Variants in AMD1 observed in about 807,000 individuals in gnomAD.
AMD1 encodes the protein adenosylmethionine decarboxylase 1, also known as S-adenosylmethionine decarboxylase proenzyme.
AMD1 carries 11 observed loss-of-function variants against 40.2 expected under a neutral mutation model. That is an observed-to-expected ratio of 0.27 (90% CI 0.17 to 0.45). The LOEUF is 0.45. Ranked by LOEUF, AMD1 falls within the 20% of genes least tolerant of loss-of-function variation. The pLI, the probability that AMD1 is intolerant of heterozygous loss-of-function variation, is 1.00. For missense variants in AMD1, 257 were observed against 410.2 expected, an observed-to-expected ratio of 0.63 and a Z score of 3.23; for synonymous variants, 121 against 130.8, an observed-to-expected ratio of 0.93 and a Z score of 0.51.
the AMD1 span, among the ~76,000 whole-genome samples, chr6:110,819,834 A>G: frequency 1.3e-5 from 2 of 152,228 alleles, no homozygotes; most frequent in African/African-American, 4.8e-5. Context: ...GAAGCTAGAC[A>G]AAACCCACCA....
At chr6:110,859,711 C>T in the AMD1 span, among the ~76,000 whole-genome samples, 1 of 152,178 alleles carries the variant, frequency 6.6e-6, no homozygotes, top group African/African-American at 2.4e-5. Flanking sequence ...ACCTCAGACC[C>T]TCAGACCTGC....
At chr6:110,855,738 A>G in the AMD1 span, among the ~76,000 whole-genome samples, 1 of 152,186 alleles carries the variant, frequency 6.6e-6, no homozygotes, top group East Asian at 1.9e-4. Flanking sequence ...CTGTTCCATC[A>G]GGTATTCTTT....
chr6:110,847,695 G>GTTTTTGT, the AMD1 span, among the ~76,000 whole-genome samples: 35 of 149,272 alleles, frequency 2.3e-4, no homozygotes, highest in Non-Finnish European at 4.9e-4. Flanking sequence ...AATTTCCTTT[G>GTTTTTGT]TTTTTGTTTT....
At chr6:110,864,355 T>C in the AMD1 span, 1 of 152,478 alleles carries the variant, frequency 6.6e-6, no homozygotes, top group African/African-American at 2.4e-5. Flanking sequence ...CAAAAGTCCT[T>C]TTTAAAAAAA....
the AMD1 span, chr6:110,815,347 T>C: frequency 2.6e-6 from 1 of 389,802 alleles, no homozygotes; most frequent in South Asian, 7.5e-5. Flanking sequence ...TTCCTCCTCC[T>C]CCTCCGCGAC....
chr6:110,876,064 C>G (rs988741906), intron 1 of AMD1, among the ~76,000 whole-genome samples: 2 of 152,244 alleles, frequency 1.3e-5, no homozygotes, highest in Non-Finnish European at 2.9e-5. Context: ...GACATAATGC[C>G]TCTAATGCCT....
chr6:110,814,908 C>T, the AMD1 span: 2 of 1,518,392 alleles, frequency 1.3e-6, no homozygotes, highest in Admixed American at 1.8e-5. Flanking sequence ...TCCGCCTCGC[C>T]CCTCGGGCAC....
chr6:110,840,087 C>G, the AMD1 span, among the ~76,000 whole-genome samples: 1 of 141,274 alleles, frequency 7.1e-6, no homozygotes, highest in Non-Finnish European at 1.5e-5. Flanking sequence ...GGTGCGATCT[C>G]GGCTCACTGC....
chr6:110,886,053 G>C (rs1035737278), intron 1 of AMD1, among the ~76,000 whole-genome samples: 5 of 152,026 alleles, frequency 3.3e-5, no homozygotes, highest in Non-Finnish European at 7.4e-5. Flanking sequence ...TCAGTAGTAT[G>C]AGACCAGCCT....
At chr6:110,875,967 C>T (rs544198145) in intron 1 of AMD1, among the ~76,000 whole-genome samples, 164 of 152,292 alleles carry the variant, frequency 1.1e-3, no homozygotes, top group African/African-American at 3.8e-3. Context: ...GCTCCCCAAT[C>T]TCTTGACCTT....
intron 1 of AMD1, among the ~76,000 whole-genome samples, chr6:110,877,364 G>T (rs1265560573): frequency 6.6e-6 from 1 of 152,250 alleles, no homozygotes; most frequent in African/African-American, 2.4e-5. Flanking sequence ...TTATTTACCA[G>T]GATGTTTAAA....
intron 1 of AMD1, among the ~76,000 whole-genome samples, chr6:110,887,040 T>C (rs528758292): frequency 1.4e-4 from 21 of 152,346 alleles, no homozygotes; most frequent in African/African-American, 4.6e-4. Flanking sequence ...TCCAGTTTTT[T>C]GTGAGTGCTA....
At chr6:110,824,078 A>G in the AMD1 span, among the ~76,000 whole-genome samples, 1 of 152,200 alleles carries the variant, frequency 6.6e-6, no homozygotes, top group South Asian at 2.1e-4. Flanking sequence ...TATCTACCCA[A>G]AGGAAAATAA....
chr6:110,894,358 T>TG lies in AMD1; in HGVS notation c.*747dup, dbSNP rs1289484782. The TG allele has an allele frequency of 1.3e-5, 2 of 152,614 alleles. No homozygotes were observed. The highest frequency in any genetic ancestry group is 1.9e-4 in the East Asian group (1 of 5,202). 9.5% of individuals were successfully genotyped at this position (152,614 alleles called of 1,614,324 possible). A position where few individuals can be genotyped will look rare whatever the true frequency, so the allele number is the denominator to read the frequency against. ...CTAATTCTATACCCCAGATGGGGAATGGGGGAGATGGTCCCTGGGCTTAAT... is the reference window on the plus strand; with the variant it reads ...CTAATTCTATACCCCAGATGGGGAATGGGGGGAGATGGTCCCTGGGCTTAAT... On this transcript the variant is annotated 3_prime_UTR_variant, in exon 9 of 9. Transcript: ENST00000368885.
the AMD1 span, chr6:110,858,536 A>C: frequency 6.3e-7 from 1 of 1,598,212 alleles, no homozygotes; most frequent in Non-Finnish European, 8.6e-7. Context: ...CAGCTACGGC[A>C]TGAACACCGT....
At chr6:110,858,893 G>A in the AMD1 span, 28 of 829,184 alleles carry the variant, frequency 3.4e-5, no homozygotes, top group South Asian at 3.8e-4. Flanking sequence ...TGCCAGCCAG[G>A]TGGGCATGAC....
chr6:110,840,236 T>A, the AMD1 span, among the ~76,000 whole-genome samples: 10 of 152,112 alleles, frequency 6.6e-5, no homozygotes, highest in Non-Finnish European at 1.5e-5. Flanking sequence ...TGCTTTTTTC[T>A]TGGCAATTTT....
At chr6:110,850,585 C>T in the AMD1 span, among the ~76,000 whole-genome samples, 1 of 152,152 alleles carries the variant, frequency 6.6e-6, no homozygotes, top group African/African-American at 2.4e-5. Context: ...GTAGATAAGG[C>T]TTTACATACC....
the AMD1 span, among the ~76,000 whole-genome samples, chr6:110,821,257 C>T: frequency 6.6e-6 from 1 of 152,158 alleles, no homozygotes; most frequent in Non-Finnish European, 1.5e-5. Context: ...TTTTGGAGTT[C>T]TGTTTTCTGA....
Sources: gnomAD v4.1 joint callset for allele counts (sites outside exome capture counted in the v4.1 genomes callset) on GRCh38, gnomAD v4.1.1 for gene constraint, MANE v1.5 for transcripts, NCBI Gene and HGNC (gene_info 2026-07-23, HGNC 2026-07-21) for gene names.